The following NTM variants were observed in gnomAD, a reference collection of about 807,000 sequenced individuals.
NTM encodes neurotrimin.
In NTM, 13 loss-of-function variants were observed where a neutral mutation model predicts 42.1. That is an observed-to-expected ratio of 0.31 (90% CI 0.20 to 0.49). The LOEUF (loss-of-function observed/expected upper bound fraction) is 0.49, where lower values mean the gene tolerates loss of function less well. Among genes scored for constraint, NTM ranks in the 20% least tolerant of loss-of-function variants. The pLI is 0.99. For missense variants in NTM, 373 were observed against 452.8 expected (o/e 0.82, Z 1.60); for synonymous variants, 187 against 179.2 (o/e 1.04, Z -0.35).
chr11:131,433,500 A>C (rs1948858464), intron 1 of NTM, among the ~76,000 whole-genome samples: 1 of 152,090 alleles, frequency 6.6e-6, no homozygotes, highest in Non-Finnish European at 1.5e-5. Context: ...ATTATCTTTA[A>C]ATTTCTCTTG....
chr11:131,854,179 G>A (rs1463774354), intron 1 of NTM, among the ~76,000 whole-genome samples: 2 of 152,140 alleles, frequency 1.3e-5, no homozygotes, highest in Non-Finnish European at 2.9e-5. Context: ...ATGGGTAAAG[G>A]CCAAGAGGGT....
chr11:131,623,087 C>T (rs1412347946), intron 1 of NTM, among the ~76,000 whole-genome samples: 1 of 152,244 alleles, frequency 6.6e-6, no homozygotes, highest in Non-Finnish European at 1.5e-5. Flanking sequence ...CCCATAGACA[C>T]AGGGGCTTCT....
At chr11:131,755,280 G>T (rs1424620646) in intron 1 of NTM, among the ~76,000 whole-genome samples, 2 of 152,136 alleles carry the variant, frequency 1.3e-5, no homozygotes, top group Non-Finnish European at 2.9e-5. Flanking sequence ...ATTTATATAT[G>T]AAAGGTACAA....
At chr11:132,234,035 G>A (rs1395387306) in intron 4 of NTM, among the ~76,000 whole-genome samples, 5 of 152,188 alleles carry the variant, frequency 3.3e-5, no homozygotes, top group Middle Eastern at 3.4e-3. Context: ...TTCTTGCCTC[G>A]TCCCTGACTA....
chr11:131,436,583 A>G (rs1021246830), intron 1 of NTM, among the ~76,000 whole-genome samples: 9 of 152,182 alleles, frequency 5.9e-5, no homozygotes, highest in Non-Finnish European at 1.0e-4. Context: ...AGATGTTTAT[A>G]GTATTCTCTG....
chr11:132,188,878 G>C (rs1175068959), intron 3 of NTM, among the ~76,000 whole-genome samples: 2 of 152,212 alleles, frequency 1.3e-5, no homozygotes, highest in African/African-American at 4.8e-5. Flanking sequence ...CTGATTGACA[G>C]TGTGCATGGG....
intron 3 of NTM, among the ~76,000 whole-genome samples, chr11:132,148,802 TG>T (rs2071185972): frequency 6.6e-6 from 1 of 152,100 alleles, no homozygotes; most frequent in Non-Finnish European, 1.5e-5. Flanking sequence ...TGGGTGTTTT[TG>T]GGGGTGAGAT....
chr11:131,723,899 G>A (rs139912850), intron 1 of NTM, among the ~76,000 whole-genome samples: 270 of 152,272 alleles, frequency 1.8e-3, no homozygotes, highest in African/African-American at 6.3e-3. Flanking sequence ...AGAGAGATTT[G>A]TAAAGATATT....
chr11:132,324,604 A>G (rs1592044591), intron 7 of NTM, among the ~76,000 whole-genome samples: 2 of 147,876 alleles, frequency 1.4e-5, no homozygotes, highest in African/African-American at 5.1e-5. Context: ...TGCCCAAGGT[A>G]ATTTACAGAT....
At chr11:132,026,691 T>C (rs2075229125) in intron 2 of NTM, among the ~76,000 whole-genome samples, 1 of 152,206 alleles carries the variant, frequency 6.6e-6, no homozygotes, top group African/African-American at 2.4e-5. Flanking sequence ...AACAAGACAA[T>C]TATTTTTGCT....
intron 2 of NTM, among the ~76,000 whole-genome samples, chr11:132,108,390 G>A (rs2062690046): frequency 6.6e-6 from 1 of 152,160 alleles, no homozygotes; most frequent in African/African-American, 2.4e-5. Context: ...TAGCAACCTG[G>A]ATGGAATTGG....
chr11:132,286,164 T>C (rs181468170), intron 4 of NTM, among the ~76,000 whole-genome samples: 1 of 152,282 alleles, frequency 6.6e-6, no homozygotes, highest in East Asian at 1.9e-4. Context: ...TCCATATATT[T>C]AAAATATTTA....
chr11:132,332,000 G>A (rs1405436236), intron 8 of NTM, among the ~76,000 whole-genome samples: 1 of 152,230 alleles, frequency 6.6e-6, no homozygotes, highest in Non-Finnish European at 1.5e-5. Context: ...GGTCCACTGA[G>A]AAGCTGGACT....
intron 1 of NTM, among the ~76,000 whole-genome samples, chr11:131,654,450 C>T (rs1284893328): frequency 1.3e-5 from 2 of 151,538 alleles, no homozygotes; most frequent in African/African-American, 2.4e-5. Context: ...TTTTTTTTTC[C>T]GGGAGTCTCA....
rs549190261 is a variant in NTM at position 131,859,179 on chromosome 11, T to A, written c.83-52385T>A. On this transcript the variant is annotated intron_variant, in intron 1 of 8. Transcript: ENST00000683400. ...TCGGGTGTCTTCCTGGTGCCAGGTATGTTTCAGAGAATATGGTTATGTTTA... is the reference window on the plus strand; with the variant it reads ...TCGGGTGTCTTCCTGGTGCCAGGTAAGTTTCAGAGAATATGGTTATGTTTA... Among the ~76,000 whole-genome samples the A allele has an allele frequency of 5.9e-5, 9 of 152,372 alleles. No individual in the cohort carries two copies. The South Asian group carries it at 1.9e-3, about 32-fold the overall frequency.
chr11:131,702,889 A>G lies in NTM; in HGVS notation c.83-208675A>G, dbSNP rs966252308. On this transcript the variant is annotated intron_variant, in intron 1 of 8. Coordinates refer to ENST00000683400, the MANE Select transcript of NTM (RefSeq NM_001352005.2). ...GTGAGTTTTAGGCATAAGAGTTGAT[A>G]GACTGATGTGTATAACAGAATAGAT... Among the ~76,000 whole-genome samples, 9 of 152,364 alleles carry G rather than the reference A, an allele frequency of 5.9e-5. No homozygotes were observed. In the South Asian group the frequency reaches 1.9e-3, roughly 32 times the overall value.
At chr11:131,681,407 C>T (rs1186886588) in intron 1 of NTM, among the ~76,000 whole-genome samples, 1 of 13,512 alleles carries the variant, frequency 7.4e-5, no homozygotes, top group Non-Finnish European at 2.0e-4. Context: ...GTATGTCTCC[C>T]TGTGTGTGTG....
At chr11:132,249,619 T>G (rs762583411) in intron 4 of NTM, among the ~76,000 whole-genome samples, 3 of 152,196 alleles carry the variant, frequency 2.0e-5, no homozygotes, top group Non-Finnish European at 4.4e-5. Context: ...AGAATCCTCC[T>G]TTCCTTTAAA....
At chr11:131,588,831 T>C (rs2059107860) in intron 1 of NTM, among the ~76,000 whole-genome samples, 1 of 152,216 alleles carries the variant, frequency 6.6e-6, no homozygotes, top group Non-Finnish European at 1.5e-5. Flanking sequence ...TATTGTTAAA[T>C]GGGGTAAAGA....
Sources: allele counts gnomAD v4.1 joint callset (sites outside exome capture counted in the v4.1 genomes callset), GRCh38; gene constraint gnomAD v4.1.1; transcripts MANE v1.5; gene names NCBI Gene and HGNC (gene_info 2026-07-23, HGNC 2026-07-21).